ATP7A: variants seen among roughly 807,000 people sequenced by gnomAD.
ATP7A encodes the protein copper-transporting ATPase 1.
A neutral mutation model predicts 83.5 loss-of-function variants in ATP7A; 7 were observed. The ratio of observed to expected loss-of-function variants is 0.08; its 90% CI spans 0.05 to 0.16. The LOEUF is 0.16. Ranked by LOEUF, ATP7A falls within the 10% of genes least tolerant of loss-of-function variation. The pLI, the probability that ATP7A is intolerant of heterozygous loss-of-function variation, is 1.00. For missense variants in ATP7A, 940 were observed against 1,120.8 expected (o/e 0.84, Z 2.30); for synonymous variants, 354 against 395.2 (o/e 0.90, Z 1.24).
chrX:77,916,107 CACTTTGGG>C (rs1319119979), intron 1 of ATP7A, among the ~76,000 whole-genome samples: 2 of 110,977 alleles, frequency 1.8e-5, no homozygotes, highest in Non-Finnish European at 3.8e-5. Flanking sequence ...GTAATCTCAG[CACTTTGGG>C]AGGCTGAGGT....
Position 78,046,623 on chromosome X carries a change from CATG to C in ATP7A, c.*57_*59del. 1.0e-5 allele frequency: 12 copies of C among 1,171,451 alleles called. No homozygotes were observed. Among genetic ancestry groups the C allele is most frequent in the Non-Finnish European group, 1.4e-5 (12 of 860,432 alleles). ...ACTTGTCATGCACTGACACAGCATT[CATG>C]ATGTTACCTTCACTTTTCAAAATAT... On this transcript the variant is annotated 3_prime_UTR_variant, in exon 23 of 23. Transcript: ENST00000341514.
In ATP7A at chrX:77,983,704, CT is replaced by C. The variant is rs782303758; in HGVS notation, c.121-4526del. ...GCTGTTACATTTATTTTCAGAGGAA[CT>C]TTTTTTTTTTTCCGAGACGGAGTTT... On this transcript the variant is annotated intron_variant, in intron 2 of 22. Coordinates refer to ENST00000341514, the MANE Select transcript of ATP7A (RefSeq NM_000052.7). Among the ~76,000 whole-genome samples, 353 of 106,710 alleles carry C rather than the reference CT, an allele frequency of 3.3e-3. 1 individual carries two copies. The highest frequency in any genetic ancestry group is 0.01 in the African/African-American group (299 of 29,718). The allele number at this position is 106,710 out of a possible 115,157, so 92.7% of individuals were successfully genotyped here. A position where few individuals can be genotyped will look rare whatever the true frequency, so the allele number is the denominator to read the frequency against.
At position 77,925,513 on chromosome X, in the gene ATP7A, G is replaced by T. The variant is rs782442595; in HGVS notation, c.-22+14678G>T. Among the ~76,000 whole-genome samples the T allele has an allele frequency of 3.5e-4, 39 of 111,243 alleles. No individual in the cohort carries two copies. In the East Asian group the frequency reaches 6.2e-3, roughly 18 times the overall value. ...GGTTATAGACTTCATCTCTGTGGGA[G>T]TCACTTGTTCTTTGGAGTCATTAGG... On this transcript the variant is annotated intron_variant, in intron 1 of 22. Transcript: ENST00000341514.
intron 14 of ATP7A, among the ~76,000 whole-genome samples, chrX:78,027,212 AT>A (rs1424392811): frequency 9.0e-6 from 1 of 111,189 alleles, no homozygotes; most frequent in African/African-American, 3.3e-5. Flanking sequence ...AACCATAAAG[AT>A]TTCTCCAAAA....
At chrX:77,990,209 G>A (rs893372941) in intron 4 of ATP7A, among the ~76,000 whole-genome samples, 9 of 112,000 alleles carry the variant, frequency 8.0e-5, no homozygotes, top group African/African-American at 2.6e-4. Context: ...ATGCTATGAA[G>A]TCATAAAACA....
At chrX:78,025,740 A>G (rs1388518729) in intron 14 of ATP7A, among the ~76,000 whole-genome samples, 10 of 111,252 alleles carry the variant, frequency 9.0e-5, no homozygotes, top group Non-Finnish European at 1.9e-4. Context: ...CAGACTTCTC[A>G]GTGGAAATGT....
rs1326699902 is a variant in ATP7A, at chrX:77,971,188, G to A, written c.-21-433G>A. 2.7e-5 allele frequency among the ~76,000 whole-genome samples: 3 copies of A among 111,853 alleles called. No individual in the cohort carries two copies. The Admixed American group carries it at 2.8e-4, about 11-fold the overall frequency. On this transcript the variant is annotated intron_variant, in intron 1 of 22. Transcript: ENST00000341514. ...GGTTTGGTGAGTGGTAGAAGAGGAG[G>A]CCAGGTAAACTTGAGGGGGACAGGC...
At chrX:77,936,940 T>A (rs1342304781) in intron 1 of ATP7A, among the ~76,000 whole-genome samples, 1 of 112,288 alleles carries the variant, frequency 8.9e-6, no homozygotes, top group Non-Finnish European at 1.9e-5. Flanking sequence ...CAGCTGCAAA[T>A]CACATTTTTG....
intron 14 of ATP7A, among the ~76,000 whole-genome samples, chrX:78,025,726 A>ACTT (rs2077939154): frequency 1.8e-5 from 2 of 111,331 alleles, no homozygotes; most frequent in African/African-American, 6.5e-5. Context: ...CATCAGGCTA[A>ACTT]CAGCAGACTT....
intron 4 of ATP7A, among the ~76,000 whole-genome samples, chrX:77,995,685 C>A (rs1177281019): frequency 2.7e-5 from 3 of 110,996 alleles, no homozygotes; most frequent in African/African-American, 9.8e-5. Context: ...TAATCACTAA[C>A]CAATTAAAGC....
chrX:77,984,522 C>T (rs965198678), intron 2 of ATP7A, among the ~76,000 whole-genome samples: 2 of 110,103 alleles, frequency 1.8e-5, no homozygotes, highest in South Asian at 7.8e-4. Flanking sequence ...CACCCACCAC[C>T]ACGGCCAGCT....
intron 1 of ATP7A, chrX:77,963,258 G>A (rs1234239497): frequency 8.4e-6 from 1 of 119,487 alleles, no homozygotes; most frequent in Non-Finnish European, 1.7e-5. Flanking sequence ...TAGAAGTTGA[G>A]CTTCATCTTA....
At chrX:77,997,898 T>G (rs1308369033) in intron 4 of ATP7A, among the ~76,000 whole-genome samples, 1 of 110,673 alleles carries the variant, frequency 9.0e-6, no homozygotes, top group African/African-American at 3.3e-5. Context: ...AATATAGAAG[T>G]ATAGATAGAG....
rs1159500465 is a variant in ATP7A, at chrX:77,965,053, CT to C, written c.-21-6556del. Among the ~76,000 whole-genome samples, 149 of 102,494 alleles carry C rather than the reference CT, an allele frequency of 1.5e-3. 1 individual carries two copies. The highest frequency in any genetic ancestry group is 2.5e-3 in the Admixed American group (24 of 9,454). 89.0% of individuals were successfully genotyped at this position (102,494 alleles called of 115,157 possible). On this transcript the variant is annotated intron_variant, in intron 1 of 22. Coordinates refer to ENST00000341514, the MANE Select transcript of ATP7A (RefSeq NM_000052.7). The stretch of plus-strand genomic sequence containing the variant: ...CCGCCAACAATGTAAAAGCACTGGA[CT>C]TTTTTTTTTTTAAGTTAAAAGATCA...
Position 78,012,184 on chromosome X carries a change from G to A in ATP7A, c.2172+510G>A, listed in dbSNP as rs781801954. On this transcript the variant is annotated intron_variant, in intron 9 of 22. Transcript: ENST00000341514. ...TCTGTATGTTTTAAACTCTTTTTTC[G>A]AGATAAACTTTTACTTTGGAATAGA... Among the ~76,000 whole-genome samples the A allele has an allele frequency of 9.0e-5, 10 of 110,691 alleles. No individual in the cohort carries two copies. In the East Asian group the frequency reaches 2.0e-3, roughly 22 times the overall value.
intron 21 of ATP7A, among the ~76,000 whole-genome samples, chrX:78,045,238 C>T (rs782672604): frequency 9.0e-6 from 1 of 111,279 alleles, no homozygotes; most frequent in South Asian, 3.9e-4. Context: ...AGTTTCACCC[C>T]TAGGTATATA....
intron 2 of ATP7A, among the ~76,000 whole-genome samples, chrX:77,984,819 T>G (rs1027031553): frequency 8.9e-6 from 1 of 112,361 alleles, no homozygotes; most frequent in African/African-American, 3.2e-5. Flanking sequence ...GGGATACTTT[T>G]GTTTGTGCTG....
intron 12 of ATP7A, among the ~76,000 whole-genome samples, chrX:78,016,634 C>T (rs1557235185): frequency 8.9e-6 from 1 of 111,950 alleles, no homozygotes; most frequent in Non-Finnish European, 1.9e-5. Flanking sequence ...TGCTCCCATT[C>T]CAAATGGGAG....
chrX:78,018,792 C>T (rs781842482), intron 12 of ATP7A, among the ~76,000 whole-genome samples: 5 of 112,240 alleles, frequency 4.5e-5, no homozygotes, highest in Non-Finnish European at 9.4e-5. Flanking sequence ...ATTCACAGTT[C>T]TGCATGACTG....
Sources: gnomAD v4.1 joint callset for allele counts (sites outside exome capture counted in the v4.1 genomes callset) on GRCh38, gnomAD v4.1.1 for gene constraint, MANE v1.5 for transcripts, NCBI Gene and HGNC (gene_info 2026-07-23, HGNC 2026-07-21) for gene names.